Variants in MYO5B observed in about 807,000 individuals in gnomAD.
MYO5B encodes myosin VB.
Under a neutral mutation model 229.3 loss-of-function variants are expected in MYO5B, and 143 were observed. The ratio of observed to expected loss-of-function variants is 0.62; its 90% confidence interval spans 0.54 to 0.72. The LOEUF (loss-of-function observed/expected upper bound fraction) is 0.72, where lower values mean the gene tolerates loss of function less well. Ranked by LOEUF, MYO5B falls within the 30% of genes least tolerant of loss-of-function variation. The pLI is 0.00. For missense variants in MYO5B, 2,321 were observed against 2,331.0 expected, an observed-to-expected ratio of 1.00 and a Z score of 0.09; for synonymous variants, 918 against 885.2, an observed-to-expected ratio of 1.04 and a Z score of -0.66.
intron 1 of MYO5B, among the ~76,000 whole-genome samples, chr18:50,130,919 C>T (rs547579479): frequency 6.6e-6 from 1 of 152,292 alleles, no homozygotes; most frequent in Non-Finnish European, 1.5e-5. Context: ...CCTCTCCTTC[C>T]AGGGGACTTC....
At chr18:49,996,100 C>T (rs1420595997) in intron 5 of MYO5B, among the ~76,000 whole-genome samples, 1 of 152,166 alleles carries the variant, frequency 6.6e-6, no homozygotes, top group Non-Finnish European at 1.5e-5. Flanking sequence ...AGCAATAAGA[C>T]CTTTTACCAT....
chr18:49,968,297 C>T (rs2025649696), intron 10 of MYO5B, among the ~76,000 whole-genome samples: 1 of 152,196 alleles, frequency 6.6e-6, no homozygotes, highest in Admixed American at 6.5e-5. Flanking sequence ...AGAGTTTTTA[C>T]TTTCTGCAAC....
chr18:50,110,309 A>G (rs953051334), intron 1 of MYO5B, among the ~76,000 whole-genome samples: 6 of 151,984 alleles, frequency 3.9e-5, no homozygotes, highest in African/African-American at 1.5e-4. Context: ...TAAATACTTT[A>G]TCCTGCTTAT....
intron 1 of MYO5B, among the ~76,000 whole-genome samples, chr18:50,091,699 C>G (rs1476413954): frequency 6.6e-6 from 1 of 152,170 alleles, no homozygotes; most frequent in Non-Finnish European, 1.5e-5. Flanking sequence ...ACTGAGCCAC[C>G]TGACACCACC....
Position 49,856,315 on chromosome 18 carries a change from C to T in MYO5B, c.4022+498G>A, listed in dbSNP as rs147481129. 9.2e-3 allele frequency among the ~76,000 whole-genome samples: 1,406 copies of T among 152,284 alleles called. 39 individuals are homozygous for T. In the South Asian group the frequency reaches 0.12, roughly 13 times the overall value. ...GGCTGCCATCAGCTCCAGGGAGTCCCGGAGATCAGGACCAGCACACATACT... is the reference window on the plus strand; with the variant it reads ...GGCTGCCATCAGCTCCAGGGAGTCCTGGAGATCAGGACCAGCACACATACT... On this transcript the variant is annotated intron_variant, in intron 30 of 39. Coordinates refer to ENST00000285039, the MANE Select transcript of MYO5B (RefSeq NM_001080467.3).
At chr18:49,867,766 CTG>C (rs10586744) in intron 27 of MYO5B, among the ~76,000 whole-genome samples, 65,113 of 151,868 alleles carry the variant, frequency 0.43, 14,542 homozygotes, top group Middle Eastern at 0.56. Flanking sequence ...TTCTATAACT[CTG>C]TAAGATTTTA....
At chr18:50,190,004 G>A (rs1458918916) in intron 1 of MYO5B, among the ~76,000 whole-genome samples, 1 of 152,128 alleles carries the variant, frequency 6.6e-6, no homozygotes, top group East Asian at 1.9e-4. Flanking sequence ...CCACTGCTCA[G>A]ACACTACCTA....
At chr18:50,165,526 A>G (rs535464706) in intron 1 of MYO5B, among the ~76,000 whole-genome samples, 1 of 152,306 alleles carries the variant, frequency 6.6e-6, no homozygotes, top group African/African-American at 2.4e-5. Context: ...GTGTAATCCC[A>G]TGACTTTGGG....
intron 1 of MYO5B, among the ~76,000 whole-genome samples, chr18:50,151,198 C>G (rs1282767550): frequency 1.3e-5 from 2 of 152,198 alleles, no homozygotes; most frequent in South Asian, 2.1e-4. Flanking sequence ...CAGGAAAAAA[C>G]AGTTCTGAAA....
At chr18:50,093,854 C>G (rs1483599381) in intron 1 of MYO5B, among the ~76,000 whole-genome samples, 2 of 152,118 alleles carry the variant, frequency 1.3e-5, no homozygotes, top group Non-Finnish European at 2.9e-5. Flanking sequence ...AGGGAGTTAC[C>G]CTATATGGTC....
chr18:50,075,314 A>T (rs2031053742), intron 1 of MYO5B, among the ~76,000 whole-genome samples: 1 of 152,198 alleles, frequency 6.6e-6, no homozygotes, highest in Admixed American at 6.5e-5. Context: ...GAAGGAAGAC[A>T]TCTCAGGTGT....
chr18:49,937,152 T>C (rs1339391114), intron 15 of MYO5B, 93 bp downstream of exon 15: 6 of 1,490,594 alleles, frequency 4.0e-6, no homozygotes, highest in South Asian at 2.3e-5. Flanking sequence ...GCTGCTGTGA[T>C]GGCTTCCCTC....
chr18:49,931,803 C>T (rs1194894641), intron 16 of MYO5B, among the ~76,000 whole-genome samples: 2 of 152,198 alleles, frequency 1.3e-5, no homozygotes, highest in South Asian at 2.1e-4. Context: ...CAGCCAGGCC[C>T]TGCAGCATGA....
chr18:50,181,552 T>C (rs1289440516), intron 1 of MYO5B, among the ~76,000 whole-genome samples: 2 of 152,218 alleles, frequency 1.3e-5, no homozygotes, highest in East Asian at 3.8e-4. Flanking sequence ...AAAGATATTG[T>C]CACCATAGGG....
intron 22 of MYO5B, among the ~76,000 whole-genome samples, chr18:49,888,545 A>G (rs1361086098): frequency 6.6e-6 from 1 of 152,206 alleles, no homozygotes. Context: ...GAAGAGTTCT[A>G]CGTTGCCAAA....
At chr18:50,158,133 C>T (rs2032710855) in intron 1 of MYO5B, among the ~76,000 whole-genome samples, 1 of 152,140 alleles carries the variant, frequency 6.6e-6, no homozygotes, top group Non-Finnish European at 1.5e-5. Flanking sequence ...AGAGAGGGAT[C>T]CAGCAAATAA....
chr18:49,924,479 C>T (rs920237858), intron 17 of MYO5B, among the ~76,000 whole-genome samples: 4 of 152,184 alleles, frequency 2.6e-5, no homozygotes, highest in Admixed American at 1.3e-4. Context: ...ACTCCAAAGT[C>T]CAAGAATTCA....
chr18:49,884,580 A>G (rs192548282), intron 22 of MYO5B, among the ~76,000 whole-genome samples: 9 of 152,204 alleles, frequency 5.9e-5, no homozygotes, highest in Admixed American at 2.6e-4. Flanking sequence ...ATCTAATGCC[A>G]CTGCTGATTT....
At chr18:50,170,855 C>A (rs1410060577) in intron 1 of MYO5B, among the ~76,000 whole-genome samples, 2 of 128,006 alleles carry the variant, frequency 1.6e-5, no homozygotes, top group African/African-American at 5.9e-5. Context: ...TAAGAGTAAA[C>A]AGGAAAAGAG....
Sources: gnomAD v4.1 joint callset for allele counts (sites outside exome capture counted in the v4.1 genomes callset) on GRCh38, gnomAD v4.1.1 for gene constraint, MANE v1.5 for transcripts, NCBI Gene and HGNC (gene_info 2026-07-23, HGNC 2026-07-21) for gene names.